Variants in OPHN1 observed in about 807,000 individuals in gnomAD.
The protein encoded by OPHN1 is oligophrenin-1.
OPHN1 carries 11 observed loss-of-function variants against 60.7 expected under a neutral mutation model. The observed-to-expected ratio is 0.18, with a 90% CI of 0.11 to 0.30. The LOEUF is 0.30. Among genes scored for constraint, OPHN1 ranks in the 10% least tolerant of loss-of-function variants. The pLI, the probability that OPHN1 is intolerant of heterozygous loss-of-function variation, is 1.00. For missense variants in OPHN1, 449 were observed against 611.0 expected, an observed-to-expected ratio of 0.73 and a Z score of 2.80; for synonymous variants, 226 against 222.6, an observed-to-expected ratio of 1.02 and a Z score of -0.14.
intron 19 of OPHN1, among the ~76,000 whole-genome samples, chrX:68,076,419 T>C (rs2076954002): frequency 9.3e-6 from 1 of 107,777 alleles, no homozygotes; most frequent in Admixed American, 9.9e-5. Context: ...AACCACCCAA[T>C]GAAATAGATC....
At chrX:68,380,169 T>C (rs980727924) in intron 2 of OPHN1, among the ~76,000 whole-genome samples, 1 of 111,569 alleles carries the variant, frequency 9.0e-6, no homozygotes, top group African/African-American at 3.3e-5. Flanking sequence ...AGGGTGTATG[T>C]GTCGAGGAAT....
Position 68,379,957 on chromosome X carries a change from G to A in OPHN1, c.154+52910C>T, listed in dbSNP as rs796909526. Among the ~76,000 whole-genome samples the A allele has an allele frequency of 1.1e-4, 12 of 110,033 alleles. No homozygotes were observed. The South Asian group carries it at 4.3e-3, about 40-fold the overall frequency. The stretch of plus-strand genomic sequence containing the variant: ...CTGGCCTCATAAAATGAGTTAGGGA[G>A]GATTCCTTCTTTTTCTATTAATTGG... On this transcript the variant is annotated intron_variant, in intron 2 of 24. Coordinates refer to ENST00000355520, the MANE Select transcript of OPHN1 (RefSeq NM_002547.3).
At chrX:68,244,578 T>G (rs2077796620) in intron 5 of OPHN1, among the ~76,000 whole-genome samples, 1 of 111,907 alleles carries the variant, frequency 8.9e-6, no homozygotes, top group African/African-American at 3.2e-5. Flanking sequence ...GCAACCTCAG[T>G]GCAGAACAAG....
At chrX:68,293,756 G>A (rs997506601) in intron 3 of OPHN1, among the ~76,000 whole-genome samples, 4 of 111,380 alleles carry the variant, frequency 3.6e-5, no homozygotes, top group Non-Finnish European at 7.5e-5. Flanking sequence ...CAGGTACCCA[G>A]GCTGTAAACT....
At chrX:68,167,035 T>A (rs769290238) in intron 15 of OPHN1, among the ~76,000 whole-genome samples, 2 of 111,826 alleles carry the variant, frequency 1.8e-5, no homozygotes, top group Non-Finnish European at 3.8e-5. Context: ...ACAAATGGGA[T>A]CACATAAAGT....
chrX:68,115,333 A>G (rs1390850402), intron 16 of OPHN1, among the ~76,000 whole-genome samples: 1 of 112,280 alleles, frequency 8.9e-6, no homozygotes, highest in Non-Finnish European at 1.9e-5. Flanking sequence ...ATATGAAAAT[A>G]GTCTACTTCA....
intron 5 of OPHN1, among the ~76,000 whole-genome samples, chrX:68,254,079 C>A (rs2077849515): frequency 8.9e-6 from 1 of 111,821 alleles, no homozygotes; most frequent in Non-Finnish European, 1.9e-5. Context: ...GATATGTCAG[C>A]TTCTTTCTTA....
chrX:68,122,861 C>A (rs2077155941), intron 15 of OPHN1, among the ~76,000 whole-genome samples: 1 of 110,584 alleles, frequency 9.0e-6, no homozygotes, highest in African/African-American at 3.3e-5. Context: ...ATAAAATAGT[C>A]TCAAAAGGGC....
chrX:68,205,246 G>A (rs1436703789), intron 10 of OPHN1, among the ~76,000 whole-genome samples: 8 of 110,756 alleles, frequency 7.2e-5, no homozygotes, highest in African/African-American at 1.6e-4. Context: ...TCGGGAATTC[G>A]AGATCAGCCT....
chrX:68,376,769 T>C (rs1335441314), intron 2 of OPHN1, among the ~76,000 whole-genome samples: 2 of 111,470 alleles, frequency 1.8e-5, no homozygotes, highest in Non-Finnish European at 3.8e-5. Flanking sequence ...GATTTATGAC[T>C]TTGTTGACAT....
At chrX:68,304,392 A>G (rs771537943) in intron 2 of OPHN1, among the ~76,000 whole-genome samples, 1 of 109,787 alleles carries the variant, frequency 9.1e-6, no homozygotes, top group Non-Finnish European at 1.9e-5. Flanking sequence ...CACTAGTTTT[A>G]ATTTGCATTT....
At chrX:68,354,754 CA>C (rs57233437) in intron 2 of OPHN1, among the ~76,000 whole-genome samples, 71 of 46,534 alleles carry the variant, frequency 1.5e-3, no homozygotes, top group South Asian at 0.015. Context: ...GACTCCGTCT[CA>C]AAAAAAAAAA....
intron 5 of OPHN1, among the ~76,000 whole-genome samples, chrX:68,257,367 A>G (rs1436234759): frequency 8.9e-6 from 1 of 112,761 alleles, no homozygotes; most frequent in Non-Finnish European, 1.9e-5. Flanking sequence ...CACCCTGTTC[A>G]GGATAAAGAG....
intron 15 of OPHN1, among the ~76,000 whole-genome samples, chrX:68,190,805 G>A (rs1414254038): frequency 2.7e-5 from 3 of 112,388 alleles, no homozygotes; most frequent in East Asian, 5.6e-4. Flanking sequence ...GCTGGACCAC[G>A]ATGTCAGCTG....
intron 15 of OPHN1, among the ~76,000 whole-genome samples, chrX:68,189,854 A>G (rs1211611562): frequency 9.0e-6 from 1 of 111,548 alleles, no homozygotes; most frequent in Admixed American, 9.6e-5. Flanking sequence ...GGCTTTAGTA[A>G]ACGATAGAAG....
rs183962971 is a variant in OPHN1, at chrX:68,053,917, C to T, written c.2159-107G>A. 28 of 801,620 alleles carry T rather than the reference C, an allele frequency of 3.5e-5. No homozygotes were observed. In the African/African-American group the frequency reaches 5.8e-4, roughly 17 times the overall value. 66.1% of individuals were successfully genotyped at this position (801,620 alleles called of 1,213,427 possible). On this transcript the variant is annotated intron_variant, in intron 21 of 24. Coordinates refer to ENST00000355520, the MANE Select transcript of OPHN1 (RefSeq NM_002547.3). ...TACCTGGGCCAACTTCCTTGGCCTC[C>T]ATTTCTTCTTGGTGACTAACAACTC...
intron 2 of OPHN1, among the ~76,000 whole-genome samples, chrX:68,301,001 T>C (rs1361412266): frequency 1.8e-5 from 2 of 111,827 alleles, no homozygotes; most frequent in African/African-American, 6.5e-5. Flanking sequence ...TTTAAAACAC[T>C]ATATCTACAA....
intron 2 of OPHN1, among the ~76,000 whole-genome samples, chrX:68,404,164 CTT>C (rs778696367): frequency 9.9e-6 from 1 of 100,887 alleles, no homozygotes; most frequent in African/African-American, 3.6e-5. Context: ...TTCCTAAAAA[CTT>C]TTTTTTTTTT....
chrX:68,365,548 G>A (rs764107936), intron 2 of OPHN1, among the ~76,000 whole-genome samples: 1 of 111,808 alleles, frequency 8.9e-6, no homozygotes, highest in South Asian at 3.8e-4. Flanking sequence ...CAGTAGGAAT[G>A]TCTCTCGAGA....
Sources: gnomAD v4.1 joint callset for allele counts (sites outside exome capture counted in the v4.1 genomes callset) on GRCh38, gnomAD v4.1.1 for gene constraint, MANE v1.5 for transcripts, NCBI Gene and HGNC (gene_info 2026-07-23, HGNC 2026-07-21) for gene names.